The following DACH1 variants were observed in gnomAD, a reference collection of about 807,000 sequenced individuals.
DACH1 encodes the protein dachshund homolog 1.
DACH1 carries 12 observed loss-of-function variants against 54.2 expected under a neutral mutation model. That is an observed-to-expected ratio of 0.22 (90% CI 0.14 to 0.36). DACH1 has a LOEUF of 0.36. DACH1 is among the 10% of genes least tolerant of loss of function. The pLI is 1.00. For missense variants in DACH1, 805 were observed against 929.8 expected, an observed-to-expected ratio of 0.87 and a Z score of 1.75; for synonymous variants, 386 against 366.2, an observed-to-expected ratio of 1.05 and a Z score of -0.62.
At chr13:71,666,285 G>C (rs1469315498) in intron 2 of DACH1, among the ~76,000 whole-genome samples, 1 of 152,056 alleles carries the variant, frequency 6.6e-6, no homozygotes, top group East Asian at 1.9e-4. Context: ...ATAAATGCAA[G>C]AATATCTATA....
chr13:71,681,961 T>G, intron 1 of DACH1, 51 bp from the exon 2 acceptor site: 1 of 1,165,592 alleles, frequency 8.6e-7, no homozygotes, highest in South Asian at 1.4e-5. Context: ...GTCTTACACA[T>G]CATTTCAAAG....
Position 71,440,551 on chromosome 13 carries a change from G to A in DACH1, c.*104C>T, listed in dbSNP as rs1044086271. ...AAAGAACATTAATACACAAAATTCA[G>A]GAAGTTCCCTTAAAAGGACTTTATT... On this transcript the variant is annotated 3_prime_UTR_variant, in exon 11 of 11. Coordinates refer to ENST00000613252, the MANE Select transcript of DACH1 (RefSeq NM_080759.6). 3.5e-6 allele frequency: 3 copies of A among 862,088 alleles called. No individual in the cohort carries two copies. The highest frequency in any genetic ancestry group is 5.5e-6 in the Non-Finnish European group (3 of 546,438). 53.4% of individuals were successfully genotyped at this position (862,088 alleles called of 1,614,324 possible).
In DACH1 at chr13:71,866,873, G is replaced by GCCCCCCC; in HGVS notation, c.-105_-104insGGGGGGG. 1.5e-6 allele frequency: 1 copy of GCCCCCCC among 682,360 alleles called. No homozygotes were observed. The highest frequency in any genetic ancestry group is 6.4e-5 in the East Asian group (1 of 15,640). The allele number at this position is 682,360 out of a possible 1,614,324, so 42.3% of individuals were successfully genotyped here. A position where few individuals can be genotyped will look rare whatever the true frequency, so the allele number is the denominator to read the frequency against. On this transcript the variant is annotated 5_prime_UTR_variant, in exon 1 of 11. Coordinates refer to ENST00000613252, the MANE Select transcript of DACH1 (RefSeq NM_080759.6). ...AAAGGGGGGAGAAGGAGCGAGGGGG[G>GCCCCCCC]CAACAACAACTCCGGGAGAGAACGA...
intron 1 of DACH1, among the ~76,000 whole-genome samples, chr13:71,724,242 T>C (rs35690651): frequency 0.04 from 6,060 of 152,306 alleles, 384 homozygotes; most frequent in African/African-American, 0.14. Context: ...GTATTTATCC[T>C]GTTTAGCTCA....
chr13:71,465,254 A>T (rs1209042122), intron 10 of DACH1, among the ~76,000 whole-genome samples: 1 of 152,124 alleles, frequency 6.6e-6, no homozygotes, highest in Non-Finnish European at 1.5e-5. Context: ...ATGCATTTGT[A>T]TACCAATTTT....
chr13:71,554,687 G>T (rs1884124018), intron 6 of DACH1, among the ~76,000 whole-genome samples: 1 of 152,046 alleles, frequency 6.6e-6, no homozygotes, highest in African/African-American at 2.4e-5. Flanking sequence ...CTCAAAGACT[G>T]CCTTGTCTGT....
At chr13:71,482,189 A>C (rs1445795357) in intron 7 of DACH1, among the ~76,000 whole-genome samples, 1 of 152,204 alleles carries the variant, frequency 6.6e-6, no homozygotes, top group Admixed American at 6.5e-5. Flanking sequence ...GTTTTCTAAA[A>C]TAATCTAATT....
intron 6 of DACH1, among the ~76,000 whole-genome samples, chr13:71,538,252 C>T (rs900078089): frequency 3.3e-5 from 5 of 151,852 alleles, no homozygotes; most frequent in Admixed American, 1.3e-4. Context: ...TGTTCAGTGC[C>T]ATCTTCAATT....
chr13:71,552,143 G>GA (rs1287054636), intron 6 of DACH1, among the ~76,000 whole-genome samples: 2 of 151,916 alleles, frequency 1.3e-5, no homozygotes, highest in East Asian at 1.9e-4. Flanking sequence ...GACATATCAA[G>GA]AAAAAAATCT....
chr13:71,707,972 GA>G (rs1882527270), intron 1 of DACH1, among the ~76,000 whole-genome samples: 1 of 152,112 alleles, frequency 6.6e-6, no homozygotes, highest in Non-Finnish European at 1.5e-5. Flanking sequence ...CAGGCCCACT[GA>G]AGTGGAAAAG....
chr13:71,556,712 C>T (rs1195289527), intron 6 of DACH1, among the ~76,000 whole-genome samples: 2 of 151,054 alleles, frequency 1.3e-5, no homozygotes, highest in Non-Finnish European at 2.9e-5. Flanking sequence ...TGACAGTGAC[C>T]CTGAAGGTAT....
At chr13:71,663,049 A>G (rs1337011055) in intron 2 of DACH1, among the ~76,000 whole-genome samples, 3 of 151,868 alleles carry the variant, frequency 2.0e-5, no homozygotes, top group Non-Finnish European at 4.4e-5. Flanking sequence ...AATATATTGT[A>G]TGATATCTAA....
rs562728490 is a variant in DACH1 at position 71,442,086 on chromosome 13, T to C, written c.2084-1394A>G. On this transcript the variant is annotated intron_variant, in intron 10 of 10. Transcript: ENST00000613252. ...AGTTATTTTAAAATGTACCAATTAC[T>C]ATGAACTATAGTCTCTTTGTTGTGC... Among the ~76,000 whole-genome samples the C allele has an allele frequency of 2.0e-5, 3 of 152,108 alleles. No homozygotes were observed. In the South Asian group the frequency reaches 6.2e-4, roughly 31 times the overall value.
rs191394920 is a variant in DACH1, at chr13:71,459,038, G to A, written c.2083+16103C>T. Among the ~76,000 whole-genome samples the A allele has an allele frequency of 2.0e-3, 297 of 151,738 alleles. 1 individual carries two copies. Among genetic ancestry groups the A allele is most frequent in the African/African-American group, 6.5e-3 (271 of 41,478 alleles). On this transcript the variant is annotated intron_variant, in intron 10 of 10. Transcript: ENST00000613252. ...TACAGATAGATTCAACAAGAGTTAC[G>A]GACAATAGTTTGCCAAAGTTCATTC...
chr13:71,462,976 A>C (rs1460131897), intron 10 of DACH1, among the ~76,000 whole-genome samples: 2 of 151,878 alleles, frequency 1.3e-5, no homozygotes, highest in African/African-American at 4.8e-5. Context: ...CTCAGTGAAC[A>C]AAGTAGATGT....
intron 1 of DACH1, among the ~76,000 whole-genome samples, chr13:71,857,252 T>C (rs1041274680): frequency 5.3e-5 from 8 of 151,864 alleles, no homozygotes; most frequent in African/African-American, 1.9e-4. Context: ...CCTTGCATAA[T>C]TATATCTAAA....
intron 2 of DACH1, among the ~76,000 whole-genome samples, chr13:71,672,120 C>G (rs1594078747): frequency 6.6e-6 from 1 of 152,168 alleles, no homozygotes; most frequent in Middle Eastern, 3.4e-3. Context: ...AAGTGTAGAG[C>G]AAAATAGTAC....
chr13:71,561,840 T>C (rs1016871977), intron 4 of DACH1, among the ~76,000 whole-genome samples: 1 of 151,998 alleles, frequency 6.6e-6, no homozygotes, highest in African/African-American at 2.4e-5. Flanking sequence ...CTTCAACAGA[T>C]ATGCTGAGAC....
intron 1 of DACH1, among the ~76,000 whole-genome samples, chr13:71,706,045 G>T (rs1882426001): frequency 6.6e-6 from 1 of 151,744 alleles, no homozygotes; most frequent in Non-Finnish European, 1.5e-5. Flanking sequence ...TCAAAACCTT[G>T]TCATCATAAA....
Sources: allele counts gnomAD v4.1 joint callset (sites outside exome capture counted in the v4.1 genomes callset), GRCh38; gene constraint gnomAD v4.1.1; transcripts MANE v1.5; gene names NCBI Gene and HGNC (gene_info 2026-07-23, HGNC 2026-07-21).